The following MACF1 variants were observed in gnomAD, a reference collection of about 807,000 sequenced individuals.
MACF1 encodes the protein microtubule-actin cross-linking factor 1.
MACF1 carries 193 observed loss-of-function variants against 854.8 expected under a neutral mutation model. The ratio of observed to expected loss-of-function variants is 0.23; its 90% CI spans 0.20 to 0.25. The LOEUF (loss-of-function observed/expected upper bound fraction) is 0.25. Among genes scored for constraint, MACF1 ranks in the 10% least tolerant of loss-of-function variants. The probability of loss-of-function intolerance (pLI) is 1.00; values close to 1 mark genes in which losing one functional copy is unlikely to be tolerated. For missense variants in MACF1, 7,722 were observed against 8,929.1 expected, an observed-to-expected ratio of 0.86 and a Z score of 5.45; for synonymous variants, 3,185 against 3,226.7, an observed-to-expected ratio of 0.99 and a Z score of 0.44.
chr1:39,213,391 G>T (rs1269337168), intron 1 of MACF1, among the ~76,000 whole-genome samples: 1 of 152,116 alleles, frequency 6.6e-6, no homozygotes, highest in Non-Finnish European at 1.5e-5. Flanking sequence ...GAGTGCAGTG[G>T]CACAATCTCG....
In MACF1 at chr1:39,337,350, C is replaced by G. The variant is rs779223316; in HGVS notation, c.10215+19C>G. On this transcript the variant is annotated intron_variant, in intron 38 of 100. Transcript: ENST00000564288. Reference sequence around the variant, plus strand: ...GGCCAAGGTAGGTTCCCAGAGACTTCCACCACAGACACCAGCTTCAAGATA... The same window carrying G: ...GGCCAAGGTAGGTTCCCAGAGACTTGCACCACAGACACCAGCTTCAAGATA... 9.3e-6 allele frequency: 15 copies of G among 1,610,256 alleles called. No individual in the cohort carries two copies. The highest frequency in any genetic ancestry group is 2.2e-5 in the East Asian group (1 of 44,860).
intron 2 of MACF1, among the ~76,000 whole-genome samples, chr1:39,110,729 A>G (rs1272969516): frequency 6.6e-6 from 1 of 152,228 alleles, no homozygotes; most frequent in Non-Finnish European, 1.5e-5. Flanking sequence ...AAATGTGTCC[A>G]TGTGCTAACA....
intron 23 of MACF1, 123 bp downstream of exon 23, chr1:39,303,201 G>A (rs1010441594): frequency 1.2e-5 from 13 of 1,126,902 alleles, no homozygotes; most frequent in Non-Finnish European, 1.5e-5. Flanking sequence ...CCTGGGAGAG[G>A]CTTCTCATTG....
chr1:39,437,728 G>A (rs766364388), intron 70 of MACF1, 49 bp from the exon 71 acceptor site: 2 of 1,334,994 alleles, frequency 1.5e-6, no homozygotes, highest in Non-Finnish European at 2.2e-6. Flanking sequence ...ACTTCTCCAA[G>A]AAGAGTGATG....
intron 58 of MACF1, among the ~76,000 whole-genome samples, chr1:39,393,196 A>ATATATATATATATAT (rs1553345252): frequency 7.5e-5 from 5 of 66,562 alleles, no homozygotes; most frequent in African/African-American, 1.7e-4. Context: ...AAAAAAAAAA[A>ATATATATATATATAT]ATATATATAT....
At chr1:39,411,564 CAG>C in intron 58 of MACF1, 2 of 1,613,846 alleles carry the variant, frequency 1.2e-6, no homozygotes, top group Non-Finnish European at 1.7e-6. Flanking sequence ...AGGTGGCAAA[CAG>C]AACTGCTCAG....
intron 58 of MACF1, chr1:39,412,364 C>G (rs763026210): frequency 1.9e-6 from 3 of 1,613,988 alleles, no homozygotes; most frequent in East Asian, 4.5e-5. Context: ...AGTCTGACAT[C>G]AATGGGAAAT....
intron 58 of MACF1, among the ~76,000 whole-genome samples, chr1:39,391,273 A>G (rs1642026643): frequency 1.3e-5 from 2 of 152,126 alleles, no homozygotes; most frequent in African/African-American, 4.8e-5. Context: ...TGTCTATACT[A>G]TGGTGATATT....
At chr1:39,361,042 T>G (rs1271642044) in intron 48 of MACF1, 41 bp downstream of exon 48, 52 of 1,520,656 alleles carry the variant, frequency 3.4e-5, no homozygotes, top group Non-Finnish European at 4.7e-5. Context: ...AGGGTATGTT[T>G]GCTATGTGCC....
chr1:39,461,152 G>A (rs4660762), intron 92 of MACF1, among the ~76,000 whole-genome samples: 91,918 of 151,500 alleles, frequency 0.61, 28,611 homozygotes, highest in East Asian at 0.82. Context: ...GATTTGGTCT[G>A]TGTTTTAGTA....
At chr1:39,301,818 AT>A (rs1646050523) in intron 22 of MACF1, among the ~76,000 whole-genome samples, 1 of 152,144 alleles carries the variant, frequency 6.6e-6, no homozygotes, top group Non-Finnish European at 1.5e-5. Context: ...AAACTCCTTA[AT>A]GTGGCTTTAA....
intron 47 of MACF1, 29 bp from the exon 48 acceptor site, chr1:39,360,760 TCCAC>T: frequency 7.2e-7 from 1 of 1,390,430 alleles, no homozygotes; most frequent in Non-Finnish European, 9.9e-7. Context: ...AAAAATTGTC[TCCAC>T]TCTTTCTTTT....
chr1:39,412,789 A>G, intron 58 of MACF1: 2 of 1,612,810 alleles, frequency 1.2e-6, no homozygotes, highest in Non-Finnish European at 1.7e-6. Context: ...TGCAGTACCC[A>G]CTGTCAAAGA....
In MACF1 at chr1:39,285,775, T is replaced by G. The variant is rs972390997; in HGVS notation, c.1508+17T>G. The G allele has an allele frequency of 1.8e-5, 29 of 1,611,540 alleles. No individual in the cohort carries two copies. Among genetic ancestry groups the G allele is most frequent in the Non-Finnish European group, 2.5e-5 (29 of 1,178,248 alleles). On this transcript the variant is annotated intron_variant, in intron 14 of 100. Transcript: ENST00000564288. ...GGCTTTTAGGTGAGGAACAAGGGAC[T>G]CAAATGGAGGGCTTGCTTGCTTACT... is the stretch of plus-strand genomic sequence containing the variant.
chr1:39,324,135 T>C, intron 33 of MACF1, 58 bp from the exon 34 acceptor site: 1 of 1,506,308 alleles, frequency 6.6e-7, no homozygotes, highest in South Asian at 1.3e-5. Flanking sequence ...AAATCTGAAG[T>C]CGTGCCAGCC....
intron 2 of MACF1, among the ~76,000 whole-genome samples, chr1:39,094,784 C>T (rs1050248910): frequency 6.6e-6 from 1 of 152,000 alleles, no homozygotes; most frequent in African/African-American, 2.4e-5. Context: ...ACCAGCTACT[C>T]AGGATGCTGA....
In MACF1 at chr1:39,347,154, C is replaced by A; in HGVS notation, c.10759C>A (p.Gln3587Lys). 6.2e-7 allele frequency: 1 copy of A among 1,614,138 alleles called. No individual in the cohort carries two copies. The change falls in exon 41 of 101, where the codon CAG becomes AAG. Residue 3587 changes from glutamine (Q) to lysine (K), a missense_variant. Coordinates refer to ENST00000564288, the MANE Select transcript of MACF1 (RefSeq NM_001394062.1). ...FQDILEQTAA[Q>K]VDALQGHLQQ... Reference sequence around the variant, plus strand: ...GGACATTTTGGAACAGACTGCCGCTCAGGTGGATGCCTTGCAGGGCCATCT... The same window carrying A: ...GGACATTTTGGAACAGACTGCCGCTAAGGTGGATGCCTTGCAGGGCCATCT...
Position 39,284,943 on chromosome 1 carries a change from G to A in MACF1, c.1132-140G>A, listed in dbSNP as rs540225298. ...AGGGTGAAGAACCTGATACATATTT[G>A]ATTGTTTTTCCATGTTAGACAATAG... On this transcript the variant is annotated intron_variant, in intron 11 of 100. Coordinates refer to ENST00000564288, the MANE Select transcript of MACF1 (RefSeq NM_001394062.1). 7 of 1,171,940 alleles carry A rather than the reference G, an allele frequency of 6.0e-6. No homozygotes were observed. The African/African-American group carries it at 9.2e-5, about 15-fold the overall frequency. 72.6% of individuals were successfully genotyped at this position (1,171,940 alleles called of 1,614,324 possible). A position where few individuals can be genotyped will look rare whatever the true frequency, so the allele number is the denominator to read the frequency against.
chr1:39,455,839 G>C (rs926281539), intron 89 of MACF1, among the ~76,000 whole-genome samples: 3 of 152,192 alleles, frequency 2.0e-5, no homozygotes, highest in African/African-American at 7.2e-5. Context: ...ATATCCTTAA[G>C]AGGCAAATAC....
Sources: gnomAD v4.1 joint callset for allele counts (sites outside exome capture counted in the v4.1 genomes callset) on GRCh38, gnomAD v4.1.1 for gene constraint, MANE v1.5 for transcripts, NCBI Gene and HGNC (gene_info 2026-07-23, HGNC 2026-07-21) for gene names.